Variants in ILDR2 observed in about 807,000 individuals in gnomAD.
The protein encoded by ILDR2 is immunoglobulin like domain containing receptor 2.
In ILDR2, 25 loss-of-function variants were observed where a neutral mutation model predicts 66.8. The ratio of observed to expected loss-of-function variants is 0.37; its 90% CI spans 0.27 to 0.52. The LOEUF is 0.52. Ranked by LOEUF, ILDR2 falls within the 20% of genes least tolerant of loss-of-function variation. ILDR2 has a pLI of 0.88. For missense variants in ILDR2, 827 were observed against 876.8 expected, an observed-to-expected ratio of 0.94 and a Z score of 0.72; for synonymous variants, 367 against 357.2, an observed-to-expected ratio of 1.03 and a Z score of -0.31.
chr1:166,958,165 G>T, intron 1 of ILDR2, 64 bp from the exon 2 acceptor site: 1 of 1,338,242 alleles, frequency 7.5e-7, no homozygotes, highest in Non-Finnish European at 1.0e-6. Flanking sequence ...TCCATCACAT[G>T]ATCACACCTT....
At chr1:166,925,010 T>C (rs928487558) in intron 7 of ILDR2, among the ~76,000 whole-genome samples, 3 of 151,922 alleles carry the variant, frequency 2.0e-5, no homozygotes, top group Non-Finnish European at 4.4e-5. Context: ...AGCAAGACCT[T>C]GTCTCAAAAA....
rs1659934929 is a variant in ILDR2 at position 166,921,426 on chromosome 1, G to A, written c.1212-47C>T. On this transcript the variant is annotated intron_variant, in intron 8 of 9. Coordinates refer to ENST00000271417, the MANE Select transcript of ILDR2 (RefSeq NM_199351.3). This position sits in a 1 kb window ranked among gnomAD's most constrained non-coding sequence, Gnocchi z 5.3. ...GTCAGACGGCCGGTCCCTCCCTGGAGCTCCAGGTAGGGCTCCCAAGAGCAC... is the reference window on the plus strand; with the variant it reads ...GTCAGACGGCCGGTCCCTCCCTGGAACTCCAGGTAGGGCTCCCAAGAGCAC... 2 of 1,467,908 alleles carry A rather than the reference G, an allele frequency of 1.4e-6. No individual in the cohort carries two copies. Among genetic ancestry groups the A allele is most frequent in the Admixed American group, 2.1e-5 (1 of 48,572 alleles). 90.9% of individuals were successfully genotyped at this position (1,467,908 alleles called of 1,614,324 possible). A position where few individuals can be genotyped will look rare whatever the true frequency, so the allele number is the denominator to read the frequency against.
At chr1:166,956,273 T>C (rs1243703079) in intron 3 of ILDR2, among the ~76,000 whole-genome samples, 1 of 152,238 alleles carries the variant, frequency 6.6e-6, no homozygotes, top group Non-Finnish European at 1.5e-5. Flanking sequence ...AGTTTACAGC[T>C]GTCTTTTCTT....
downstream of ILDR2, among the ~76,000 whole-genome samples, chr1:166,903,871 T>G (rs1296739503): frequency 6.6e-6 from 1 of 152,216 alleles, no homozygotes; most frequent in East Asian, 1.9e-4. Flanking sequence ...CTTCTTATCC[T>G]TCAAGTAACA....
chr1:166,896,329 A>T (rs1659165712), intron 2 of ILDR2, among the ~76,000 whole-genome samples: 1 of 151,974 alleles, frequency 6.6e-6, no homozygotes, highest in Admixed American at 6.6e-5. Flanking sequence ...TGTTGGCAGG[A>T]GGTATGGGAT....
chr1:166,949,815 C>T (rs1236724362), intron 3 of ILDR2, among the ~76,000 whole-genome samples: 3 of 152,174 alleles, frequency 2.0e-5, no homozygotes, highest in Admixed American at 6.5e-5. Context: ...ACAAGACCAG[C>T]AGAGGCATCT....
At chr1:166,902,802 C>CA in intron 2 of ILDR2, among the ~76,000 whole-genome samples, 1 of 152,300 alleles carries the variant, frequency 6.6e-6, no homozygotes, top group East Asian at 1.9e-4. Flanking sequence ...GTTTTGCAGT[C>CA]AAAGCATCCT....
At position 166,936,576 on chromosome 1, in the gene ILDR2, G is replaced by A. The variant is rs375261203; in HGVS notation, c.703+15C>T. The A allele has an allele frequency of 9.9e-6, 16 of 1,613,944 alleles. No homozygotes were observed. In the African/African-American group the frequency reaches 1.1e-4, roughly 11 times the overall value. On this transcript the variant is annotated intron_variant, in intron 5 of 9. Coordinates refer to ENST00000271417, the MANE Select transcript of ILDR2 (RefSeq NM_199351.3). The surrounding 1 kb of genome is among the most constrained non-coding windows in gnomAD (Gnocchi z 5.0). Reference sequence around the variant, plus strand: ...CTCTCGATCGCTCTGTCTCCCCAGCGGTCACTGTACTCACAGGCTTGAGGG... The same window carrying A: ...CTCTCGATCGCTCTGTCTCCCCAGCAGTCACTGTACTCACAGGCTTGAGGG...
Position 166,899,114 on chromosome 1 carries a change from G to A in ILDR2, n.172-3013C>T, listed in dbSNP as rs112134092. ...AAAGATGAAAAAGACATGATTGGCC[G>A]GGCGCAATGGCTCACGCCTGTAATC... On this transcript the variant is annotated intron_variant and non_coding_transcript_variant, in intron 2 of 2. Transcript: ENST00000414590. Among the ~76,000 whole-genome samples, 263 of 151,836 alleles carry A rather than the reference G, an allele frequency of 1.7e-3. 1 individual carries two copies. Among genetic ancestry groups the A allele is most frequent in the African/African-American group, 5.3e-3 (220 of 41,434 alleles).
At position 166,910,490 on chromosome 1, in the gene ILDR2, AG is replaced by A. The variant is rs1410256866; in HGVS notation, c.*8864del. 3 of 152,192 alleles carry A rather than the reference AG, an allele frequency of 2.0e-5. No homozygotes were observed. Among genetic ancestry groups the A allele is most frequent in the African/African-American group, 7.2e-5 (3 of 41,442 alleles). The allele number at this position is 152,192 out of a possible 1,614,324, so 9.4% of individuals were successfully genotyped here. A position where few individuals can be genotyped will look rare whatever the true frequency, so the allele number is the denominator to read the frequency against. On this transcript the variant is annotated 3_prime_UTR_variant, in exon 10 of 10. Transcript: ENST00000271417. Reference sequence around the variant, plus strand: ...AAATTCATATGTAGCTTTTCCCTTAAGTAATGTGAGGCACACCTCCATCCAA... The same window carrying A: ...AAATTCATATGTAGCTTTTCCCTTAATAATGTGAGGCACACCTCCATCCAA...
intron 3 of ILDR2, among the ~76,000 whole-genome samples, chr1:166,949,443 T>G (rs1023522856): frequency 3.3e-5 from 5 of 152,282 alleles, no homozygotes; most frequent in Admixed American, 1.3e-4. Flanking sequence ...TTCTTTATTT[T>G]GTATCCTCAC....
chr1:166,952,915 A>G (rs776546436), intron 3 of ILDR2, among the ~76,000 whole-genome samples: 1 of 152,216 alleles, frequency 6.6e-6, no homozygotes, highest in Non-Finnish European at 1.5e-5. Context: ...AAACACAGAC[A>G]TCACTTTTTT....
intron 1 of ILDR2, 93 bp downstream of exon 1, chr1:166,975,130 A>C: frequency 9.3e-7 from 1 of 1,072,630 alleles, no homozygotes; most frequent in African/African-American, 1.6e-5. Flanking sequence ...CATGGTCAGT[A>C]AGGAGGAAAA....
At position 166,914,108 on chromosome 1, in the gene ILDR2, C is replaced by T. The variant is rs897028402; in HGVS notation, c.*5247G>A. On this transcript the variant is annotated 3_prime_UTR_variant, in exon 10 of 10. Transcript: ENST00000271417. ...CTGCACCATGGGCCACAGAGCAAGACCCTGTCTCAAAAAAAAAAAAAAGAA... is the reference window on the plus strand; with the variant it reads ...CTGCACCATGGGCCACAGAGCAAGATCCTGTCTCAAAAAAAAAAAAAAGAA... 10 of 136,684 alleles carry T rather than the reference C, an allele frequency of 7.3e-5. No homozygotes were observed. In the East Asian group the frequency reaches 1.8e-3, roughly 24 times the overall value. The allele number at this position is 136,684 out of a possible 1,614,324, so 8.5% of individuals were successfully genotyped here.
At chr1:166,906,111 G>A (rs952516906), downstream of ILDR2, among the ~76,000 whole-genome samples, 5 of 152,154 alleles carry the variant, frequency 3.3e-5, no homozygotes, top group African/African-American at 4.8e-5. Context: ...TGACTGCTCC[G>A]CAGCCTTCCT....
chr1:166,946,487 T>G (rs1259429837), intron 3 of ILDR2, among the ~76,000 whole-genome samples: 1 of 105,750 alleles, frequency 9.5e-6, no homozygotes, highest in Non-Finnish European at 2.2e-5. Flanking sequence ...TGGTTTTTTG[T>G]TTTTTGTTTT....
chr1:166,923,419 C>A (rs1011049480), intron 7 of ILDR2, among the ~76,000 whole-genome samples: 1 of 152,152 alleles, frequency 6.6e-6, no homozygotes, highest in African/African-American at 2.4e-5. Context: ...ATCCATATAC[C>A]CCCTGACTTA....
chr1:166,945,151 T>C (rs1661541485), intron 3 of ILDR2, among the ~76,000 whole-genome samples: 1 of 152,244 alleles, frequency 6.6e-6, no homozygotes, highest in Non-Finnish European at 1.5e-5. Flanking sequence ...TTATTCTATA[T>C]ACTGCACAAT....
intron 1 of ILDR2, among the ~76,000 whole-genome samples, chr1:166,970,441 T>C (rs1353671000): frequency 1.3e-5 from 2 of 152,168 alleles, no homozygotes; most frequent in Non-Finnish European, 2.9e-5. Flanking sequence ...CAAATTTTAA[T>C]GGGGAAAATT....
Sources: gnomAD v4.1 joint callset for allele counts (sites outside exome capture counted in the v4.1 genomes callset) on GRCh38, gnomAD v4.1.1 for gene constraint, Gnocchi (gnomAD v3.1) non-coding constraint, MANE v1.5 for transcripts, NCBI Gene and HGNC (gene_info 2026-07-23, HGNC 2026-07-21) for gene names.